The following LGR5 variants were observed in gnomAD, a reference collection of about 807,000 sequenced individuals.
LGR5 encodes leucine-rich repeat-containing G protein-coupled receptor 5.
LGR5 carries 54 observed loss-of-function variants against 76.7 expected under a neutral mutation model. The observed-to-expected ratio is 0.70, with a 90% CI of 0.57 to 0.88. The LOEUF (loss-of-function observed/expected upper bound fraction) is 0.88, where lower values mean the gene tolerates loss of function less well. Among genes scored for constraint, LGR5 ranks in the 40% least tolerant of loss-of-function variants. LGR5 has a pLI of 0.00. For missense variants in LGR5, 1,078 were observed against 1,073.3 expected, an observed-to-expected ratio of 1.00 and a Z score of -0.06; for synonymous variants, 406 against 421.9, an observed-to-expected ratio of 0.96 and a Z score of 0.46.
intron 1 of LGR5, among the ~76,000 whole-genome samples, chr12:71,473,582 G>A (rs558217593): frequency 9.2e-5 from 14 of 151,668 alleles, no homozygotes; most frequent in African/African-American, 2.2e-4. Context: ...AAGACCAACC[G>A]GGGCAACATA....
Position 71,566,384 on chromosome 12 carries a change from G to C in LGR5, c.858-20G>C. ...CAAATTTTATACTAAGATATTAATT[G>C]CTGTTTGGGTTTCTTTTAGACATTT... On this transcript the variant is annotated intron_variant, in intron 8 of 17. Transcript: ENST00000266674. 1 of 1,487,222 alleles carries C rather than the reference G, an allele frequency of 6.7e-7. No individual in the cohort carries two copies. The highest frequency in any genetic ancestry group is 1.4e-5 in the African/African-American group (1 of 73,050). 92.1% of individuals were successfully genotyped at this position (1,487,222 alleles called of 1,614,324 possible).
chr12:71,463,465 C>G (rs1872750130), intron 1 of LGR5, among the ~76,000 whole-genome samples: 1 of 152,154 alleles, frequency 6.6e-6, no homozygotes, highest in African/African-American at 2.4e-5. Context: ...CTAAGTCTCT[C>G]TAAACCTCAG....
intron 1 of LGR5, among the ~76,000 whole-genome samples, chr12:71,475,947 G>T (rs1873314955): frequency 6.6e-6 from 1 of 152,084 alleles, no homozygotes; most frequent in South Asian, 2.1e-4. Flanking sequence ...CGAACCTTGA[G>T]AGTTAGCTTG....
chr12:71,462,732 T>C (rs1018024376), intron 1 of LGR5, among the ~76,000 whole-genome samples: 4 of 152,184 alleles, frequency 2.6e-5, no homozygotes, highest in Non-Finnish European at 5.9e-5. Flanking sequence ...GCACTCTGAC[T>C]AATTCCGTCT....
At chr12:71,568,671 G>T (rs1237222716) in intron 11 of LGR5, among the ~76,000 whole-genome samples, 1 of 152,182 alleles carries the variant, frequency 6.6e-6, no homozygotes, top group African/African-American at 2.4e-5. Context: ...CCAATGCTTA[G>T]CTAGTGTATC....
chr12:71,568,837 C>T (rs568245208), intron 11 of LGR5, among the ~76,000 whole-genome samples: 2 of 152,160 alleles, frequency 1.3e-5, no homozygotes, highest in Non-Finnish European at 2.9e-5. Context: ...TTTCACTGTA[C>T]ATGACTAGTT....
At chr12:71,542,496 G>A (rs1233524061) in intron 4 of LGR5, among the ~76,000 whole-genome samples, 1 of 152,112 alleles carries the variant, frequency 6.6e-6, no homozygotes, top group East Asian at 1.9e-4. Context: ...CTGGCAGGTG[G>A]GGGTACTCAG....
chr12:71,578,006 C>A lies in LGR5; in HGVS notation c.1280+10C>A. ...CATCCCTAATAAAGCTGTGAGTATT[C>A]CACAACTTGTTTATGGTATGTCTCT... On this transcript the variant is annotated intron_variant, in intron 14 of 17. Coordinates refer to ENST00000266674, the MANE Select transcript of LGR5 (RefSeq NM_003667.4). 1.3e-6 allele frequency: 2 copies of A among 1,589,268 alleles called. No homozygotes were observed. Among genetic ancestry groups the A allele is most frequent in the East Asian group, 2.2e-5 (1 of 44,768 alleles).
intron 2 of LGR5, among the ~76,000 whole-genome samples, chr12:71,515,311 C>T (rs35424167): frequency 0.05 from 7,643 of 152,238 alleles, 248 homozygotes; most frequent in Non-Finnish European, 0.074. Context: ...GACTATTATA[C>T]TGGTTTCATC....
At position 71,469,234 on chromosome 12, in the gene LGR5, T is replaced by C. The variant is rs577178205; in HGVS notation, c.212+28942T>C. Among the ~76,000 whole-genome samples the C allele has an allele frequency of 1.5e-3, 234 of 152,346 alleles. 1 individual carries two copies. The highest frequency in any genetic ancestry group is 7.8e-3 in the Admixed American group (120 of 15,304). Reference sequence around the variant, plus strand: ...AAGAGATTATATTTAAAACATTTCTTCATAGGGTAAAAATCTGAATGCAAT... The same window carrying C: ...AAGAGATTATATTTAAAACATTTCTCCATAGGGTAAAAATCTGAATGCAAT... On this transcript the variant is annotated intron_variant, in intron 1 of 17. Transcript: ENST00000266674.
chr12:71,561,896 A>AT, intron 8 of LGR5, 44 bp downstream of exon 8: 2 of 1,117,610 alleles, frequency 1.8e-6, no homozygotes, highest in Non-Finnish European at 2.7e-6. Flanking sequence ...CCTGAAATAT[A>AT]GCATATATTA....
At chr12:71,481,194 G>T (rs1873584417) in intron 1 of LGR5, among the ~76,000 whole-genome samples, 1 of 152,152 alleles carries the variant, frequency 6.6e-6, no homozygotes, top group African/African-American at 2.4e-5. Flanking sequence ...CCATCATATA[G>T]GTTTTAAGCC....
chr12:71,584,926 T>C lies in LGR5; in HGVS notation c.*192T>C, dbSNP rs2137488768. 2 of 588,746 alleles carry C rather than the reference T, an allele frequency of 3.4e-6. No individual in the cohort carries two copies. The highest frequency in any genetic ancestry group is 2.3e-5 in the South Asian group (1 of 43,354). 36.5% of individuals were successfully genotyped at this position (588,746 alleles called of 1,614,324 possible). On this transcript the variant is annotated 3_prime_UTR_variant, in exon 18 of 18. Coordinates refer to ENST00000266674, the MANE Select transcript of LGR5 (RefSeq NM_003667.4). ...AGTGAATATAAGTCTAAATGCTGCT[T>C]TGTATAATTTGTTCAGCTAAGGGAT...
intron 1 of LGR5, among the ~76,000 whole-genome samples, chr12:71,497,836 A>AT (rs1010228686): frequency 1.4e-4 from 21 of 152,036 alleles, no homozygotes; most frequent in Admixed American, 1.2e-3. Context: ...AAGAGCATCA[A>AT]TTTTTTTTGT....
chr12:71,440,117 C>G lies in LGR5; in HGVS notation c.37C>G (p.Pro13Ala), dbSNP rs770233037. The change falls in exon 1 of 18, where the codon CCT (proline) becomes GCT (alanine). Residue 13 changes from proline to alanine, a missense_variant. Transcript: ENST00000266674. The surrounding 1 kb of genome is among the most constrained non-coding windows in gnomAD (Gnocchi z 5.3). ...TSRLGVLLSL[P>A]VLLQLATGGS... is the part of the protein sequence containing the mutation. Reference sequence around the variant, plus strand: ...CCGGCTCGGTGTGCTCCTGTCCTTGCCTGTGCTGCTGCAGCTGGCGACCGG... The same window carrying G: ...CCGGCTCGGTGTGCTCCTGTCCTTGGCTGTGCTGCTGCAGCTGGCGACCGG... The G allele has an allele frequency of 2.5e-6, 4 of 1,607,136 alleles. No individual in the cohort carries two copies. Among genetic ancestry groups the G allele is most frequent in the Admixed American group, 3.3e-5 (2 of 59,960 alleles).
At chr12:71,548,790 A>G (rs965090822) in intron 4 of LGR5, among the ~76,000 whole-genome samples, 1 of 149,786 alleles carries the variant, frequency 6.7e-6, no homozygotes, top group African/African-American at 2.5e-5. Flanking sequence ...AAATCTCTGC[A>G]CTAATTTATG....
At chr12:71,516,558 A>C (rs1592506109) in intron 2 of LGR5, among the ~76,000 whole-genome samples, 2 of 151,820 alleles carry the variant, frequency 1.3e-5, no homozygotes, top group East Asian at 3.9e-4. Context: ...ATGTTTAGAG[A>C]GGAAAAATTA....
At chr12:71,563,716 G>A (rs1245459971) in intron 8 of LGR5, among the ~76,000 whole-genome samples, 2 of 152,052 alleles carry the variant, frequency 1.3e-5, no homozygotes, top group Non-Finnish European at 2.9e-5. Context: ...CATTTTAAAA[G>A]CCATTTCTTG....
chr12:71,552,282 C>T (rs1056027668), intron 4 of LGR5, among the ~76,000 whole-genome samples: 25 of 151,882 alleles, frequency 1.6e-4, no homozygotes, highest in African/African-American at 5.8e-4. Context: ...AAAAATTACT[C>T]GGCCAGGTGC....
Sources: gnomAD v4.1 joint callset for allele counts (sites outside exome capture counted in the v4.1 genomes callset) on GRCh38, gnomAD v4.1.1 for gene constraint, Gnocchi (gnomAD v3.1) non-coding constraint, MANE v1.5 for transcripts, NCBI Gene and HGNC (gene_info 2026-07-23, HGNC 2026-07-21) for gene names.